The following CSMD3 variants were observed in gnomAD, a reference collection of about 807,000 sequenced individuals.
CSMD3 encodes the protein CUB and Sushi multiple domains 3.
CSMD3 carries 177 observed loss-of-function variants against 435.2 expected under a neutral mutation model. The ratio of observed to expected loss-of-function variants is 0.41; its 90% CI spans 0.36 to 0.46. The LOEUF (loss-of-function observed/expected upper bound fraction) is 0.46. Among genes scored for constraint, CSMD3 ranks in the 20% least tolerant of loss-of-function variants. The pLI, the probability that CSMD3 is intolerant of heterozygous loss-of-function variation, is 0.34. For synonymous variants in CSMD3, 1,656 were observed against 1,520.5 expected (o/e 1.09, Z -2.07); for missense variants, 4,265 against 4,504.6 (o/e 0.95, Z 1.52).
intron 1 of CSMD3, among the ~76,000 whole-genome samples, chr8:113,407,369 T>C (rs1043270363): frequency 6.6e-6 from 1 of 152,130 alleles, no homozygotes; most frequent in African/African-American, 2.4e-5. Flanking sequence ...AGCCACCATG[T>C]ACAATAACTT....
chr8:113,025,228 G>A (rs2086831810), intron 5 of CSMD3, among the ~76,000 whole-genome samples: 1 of 152,044 alleles, frequency 6.6e-6, no homozygotes, highest in Non-Finnish European at 1.5e-5. Flanking sequence ...TGGTAGAAGA[G>A]TCACCTTTCC....
intron 4 of CSMD3, 75 bp from the exon 5 acceptor site, chr8:113,099,038 T>C: frequency 1.1e-6 from 1 of 926,946 alleles, no homozygotes; most frequent in East Asian, 2.5e-5. Context: ...GTAAAGCAAG[T>C]CAATATGTTT....
chr8:112,252,677 GTGTATATA>G (rs1283565212), intron 63 of CSMD3, among the ~76,000 whole-genome samples: 1 of 78,472 alleles, frequency 1.3e-5, no homozygotes, highest in African/African-American at 9.7e-5. Context: ...GTATGTGTGT[GTGTATATA>G]TATATATATA....
intron 13 of CSMD3, among the ~76,000 whole-genome samples, chr8:112,790,232 A>T (rs1485547326): frequency 6.6e-6 from 1 of 152,076 alleles, no homozygotes; most frequent in East Asian, 1.9e-4. Context: ...ATACAAATAT[A>T]TGGTGAAAAC....
chr8:112,769,521 T>A (rs1449145579), intron 13 of CSMD3, among the ~76,000 whole-genome samples: 6 of 152,056 alleles, frequency 3.9e-5, no homozygotes, highest in Non-Finnish European at 7.4e-5. Flanking sequence ...AAAAACAAAG[T>A]GCTGAATTTT....
intron 2 of CSMD3, among the ~76,000 whole-genome samples, chr8:113,297,234 A>G (rs2132561620): frequency 6.6e-6 from 1 of 152,222 alleles, no homozygotes; most frequent in Non-Finnish European, 1.5e-5. Flanking sequence ...AGGTCTCAAT[A>G]CCTATCATAA....
At chr8:112,552,845 A>G in intron 25 of CSMD3, 125 bp from the exon 26 acceptor site, 1 of 812,194 alleles carries the variant, frequency 1.2e-6, no homozygotes, top group Non-Finnish European at 1.9e-6. Context: ...ATACATTTGT[A>G]TAAACTTTTA....
chr8:112,230,434 T>C (rs1266766965), intron 69 of CSMD3, among the ~76,000 whole-genome samples: 1 of 152,204 alleles, frequency 6.6e-6, no homozygotes, highest in South Asian at 2.1e-4. Flanking sequence ...TAGTATCTTA[T>C]TTTTTACCTT....
In CSMD3 at chr8:112,610,561, T is replaced by TA. The variant is rs894131086; in HGVS notation, c.3716-23327dup. Among the ~76,000 whole-genome samples, 338 of 151,632 alleles carry TA rather than the reference T, an allele frequency of 2.2e-3. 3 individuals are homozygous for TA. The highest frequency in any genetic ancestry group is 6.2e-3 in the African/African-American group (255 of 41,410). On this transcript the variant is annotated intron_variant, in intron 22 of 70. Coordinates refer to ENST00000297405, the MANE Select transcript of CSMD3 (RefSeq NM_198123.2). The stretch of plus-strand genomic sequence containing the variant: ...CCTTTTATTCTCTTCTTACTGGTAA[T>TA]AAAAAAAAATTGTATATGATCGTAT...
intron 5 of CSMD3, among the ~76,000 whole-genome samples, chr8:113,049,065 C>A (rs1287299071): frequency 6.6e-6 from 1 of 151,958 alleles, no homozygotes; most frequent in Non-Finnish European, 1.5e-5. Flanking sequence ...ATAGTGAAAC[C>A]CCATCTCTAG....
At chr8:112,521,930 T>C (rs1013029335) in intron 27 of CSMD3, among the ~76,000 whole-genome samples, 3 of 151,836 alleles carry the variant, frequency 2.0e-5, no homozygotes, top group Admixed American at 6.6e-5. Flanking sequence ...TATAAAAATA[T>C]GTTTTAGAAA....
intron 13 of CSMD3, among the ~76,000 whole-genome samples, chr8:112,731,581 T>C (rs1201209897): frequency 6.6e-6 from 1 of 152,194 alleles, no homozygotes; most frequent in Non-Finnish European, 1.5e-5. Context: ...TCTTCTTTTG[T>C]AACTCTTCTA....
chr8:112,881,434 A>G (rs1435506081), intron 10 of CSMD3, among the ~76,000 whole-genome samples: 1 of 152,118 alleles, frequency 6.6e-6, no homozygotes, highest in Non-Finnish European at 1.5e-5. Context: ...TTTCAAATGT[A>G]TCTAACAACC....
intron 13 of CSMD3, among the ~76,000 whole-genome samples, chr8:112,722,233 G>T (rs575228468): frequency 1.3e-5 from 2 of 150,560 alleles, no homozygotes. Context: ...CAGAGGAAAA[G>T]ATACCAAAGA....
At chr8:112,408,881 A>G in intron 33 of CSMD3, 38 bp downstream of exon 33, 1 of 1,613,102 alleles carries the variant, frequency 6.2e-7, no homozygotes, top group Non-Finnish European at 8.5e-7. Flanking sequence ...TCAGTCTTTA[A>G]TCAGTAACTG....
chr8:112,553,051 G>T (rs1348409806), intron 25 of CSMD3, among the ~76,000 whole-genome samples: 1 of 152,106 alleles, frequency 6.6e-6, no homozygotes, highest in Non-Finnish European at 1.5e-5. Context: ...CAGATGGCAA[G>T]TTGCTCACTG....
intron 11 of CSMD3, among the ~76,000 whole-genome samples, chr8:112,840,538 A>AT (rs1363958216): frequency 6.6e-6 from 1 of 151,696 alleles, no homozygotes; most frequent in Non-Finnish European, 1.5e-5. Flanking sequence ...AGAAAAGAAG[A>AT]TTTTGAATGT....
intron 2 of CSMD3, among the ~76,000 whole-genome samples, chr8:113,282,614 C>A (rs1473402992): frequency 6.6e-6 from 1 of 151,976 alleles, no homozygotes; most frequent in African/African-American, 2.4e-5. Flanking sequence ...ACATACCATG[C>A]ACATAGATGA....
At chr8:112,979,451 A>C (rs2130953950) in intron 6 of CSMD3, among the ~76,000 whole-genome samples, 1 of 151,758 alleles carries the variant, frequency 6.6e-6, no homozygotes. Context: ...TGAAACACAG[A>C]TTTTTAAATT....
Sources: gnomAD v4.1 joint callset for allele counts (sites outside exome capture counted in the v4.1 genomes callset) on GRCh38, gnomAD v4.1.1 for gene constraint, MANE v1.5 for transcripts, NCBI Gene and HGNC (gene_info 2026-07-23, HGNC 2026-07-21) for gene names.